The following ATPSCKMT variants were observed in gnomAD, a reference collection of about 807,000 sequenced individuals.
The protein encoded by ATPSCKMT is ATP synthase subunit C lysine N-methyltransferase.
Under a neutral mutation model 24.3 loss-of-function variants are expected in ATPSCKMT, and 24 were observed. The observed-to-expected ratio is 0.99, with a 90% CI of 0.71 to 1.39. The LOEUF (loss-of-function observed/expected upper bound fraction) is 1.39, where lower values mean the gene tolerates loss of function less well. Among genes scored for constraint, ATPSCKMT ranks in the 40% most tolerant of loss-of-function variants. ATPSCKMT has a pLI of 0.00. For synonymous variants in ATPSCKMT, 95 were observed against 110.5 expected, an observed-to-expected ratio of 0.86 and a Z score of 0.88; for missense variants, 311 against 298.4, an observed-to-expected ratio of 1.04 and a Z score of -0.31.
intron 1 of ATPSCKMT, among the ~76,000 whole-genome samples, chr5:10,247,758 C>G (rs1184538808): frequency 6.6e-6 from 1 of 152,208 alleles, no homozygotes; most frequent in East Asian, 1.9e-4. Flanking sequence ...CAAGAACTTT[C>G]TTTCAGGTGT....
intron 1 of ATPSCKMT, 45 bp from the exon 2 acceptor site, chr5:10,239,401 G>A: frequency 6.6e-7 from 1 of 1,517,894 alleles, no homozygotes; most frequent in Non-Finnish European, 8.9e-7. Context: ...CACCAAATCT[G>A]AAATCCAAGA....
intron 2 of ATPSCKMT, 51 bp from the exon 3 acceptor site, chr5:10,236,666 C>A: frequency 6.3e-7 from 1 of 1,596,600 alleles, no homozygotes. Context: ...AATGAACATA[C>A]ATGGTCAAAC....
chr5:10,235,191 G>C lies in ATPSCKMT; in HGVS notation c.495+20C>G, dbSNP rs373147219. ...AACATCATCTAACCCCAAACAGAGA[G>C]CAGGAAAGTGCATACTCACCATCTG... is the stretch of plus-strand genomic sequence containing the variant. On this transcript the variant is annotated intron_variant, in intron 4 of 4. Coordinates refer to ENST00000511437, the MANE Select transcript of ATPSCKMT (RefSeq NM_199133.4). 5.0e-6 allele frequency: 8 copies of C among 1,612,826 alleles called. No individual in the cohort carries two copies. The highest frequency in any genetic ancestry group is 6.8e-6 in the Non-Finnish European group (8 of 1,179,086).
chr5:10,239,081 CACT>C lies in ATPSCKMT; in HGVS notation c.289_291del (p.Ser97del). The C allele has an allele frequency of 6.2e-7, 1 of 1,613,944 alleles. No homozygotes were observed. The highest frequency in any genetic ancestry group is 8.5e-7 in the Non-Finnish European group (1 of 1,179,852). On this transcript the variant is annotated inframe_deletion, in exon 2 of 5. Transcript: ENST00000511437. ...GCAGAACTCACAATGCGTCCGTCCC[CACT>C]ACCGATGTCCACAAGGGATCCTCTT...
chr5:10,237,031 T>C, intron 2 of ATPSCKMT: 1 of 1,292,884 alleles, frequency 7.7e-7, no homozygotes, highest in Non-Finnish European at 1.0e-6. Flanking sequence ...TAATATGCAA[T>C]AAAAATAACC....
chr5:10,244,729 T>C (rs982388596), intron 1 of ATPSCKMT, among the ~76,000 whole-genome samples: 1 of 151,882 alleles, frequency 6.6e-6, no homozygotes, highest in Non-Finnish European at 1.5e-5. Flanking sequence ...CTGGGCAACA[T>C]AGCAAGACCC....
In ATPSCKMT at chr5:10,226,877, A is replaced by G. The variant is rs1170573706; in HGVS notation, c.*564T>C. The stretch of plus-strand genomic sequence containing the variant: ...ACGTCAGGCTTACATTTACACATAC[A>G]TGTATACAAATGTACACATATACAG... On this transcript the variant is annotated 3_prime_UTR_variant, in exon 5 of 5. Coordinates refer to ENST00000511437, the MANE Select transcript of ATPSCKMT (RefSeq NM_199133.4). 2 of 153,940 alleles carry G rather than the reference A, an allele frequency of 1.3e-5. No homozygotes were observed. Among genetic ancestry groups the G allele is most frequent in the East Asian group, 3.8e-4 (2 of 5,214 alleles). The allele number at this position is 153,940 out of a possible 1,614,324, so 9.5% of individuals were successfully genotyped here.
chr5:10,229,534 A>G lies in ATPSCKMT; in HGVS notation c.496-1887T>C, dbSNP rs374057597. Reference sequence around the variant, plus strand: ...TGCAGTTGCTATTTTTGCTTTTATAATGAGTAGTTTGTGGGGAGATGCTTT... The same window carrying G: ...TGCAGTTGCTATTTTTGCTTTTATAGTGAGTAGTTTGTGGGGAGATGCTTT... On this transcript the variant is annotated intron_variant, in intron 4 of 4. Transcript: ENST00000511437. Among the ~76,000 whole-genome samples, 8 of 152,292 alleles carry G rather than the reference A, an allele frequency of 5.3e-5. No homozygotes were observed. In the South Asian group the frequency reaches 8.3e-4, roughly 16 times the overall value.
chr5:10,248,871 T>C (rs1379235801), intron 1 of ATPSCKMT, among the ~76,000 whole-genome samples: 1 of 152,044 alleles, frequency 6.6e-6, no homozygotes, highest in African/African-American at 2.4e-5. Flanking sequence ...TCTAAACCTA[T>C]CAAATATTAA....
intron 1 of ATPSCKMT, among the ~76,000 whole-genome samples, 153 bp from the exon 2 acceptor site, chr5:10,239,509 C>A (rs1320249453): frequency 2.0e-5 from 3 of 152,150 alleles, no homozygotes; most frequent in Non-Finnish European, 4.4e-5. Flanking sequence ...TAGGATCCCA[C>A]AATTAGTTCT....
rs1744503336 is a variant in ATPSCKMT at position 10,239,082 on chromosome 5, A to G, written c.291T>C (p.Ser97=). The change falls in exon 2 of 5, where the codon AGT becomes AGC. Residue 97 remains serine, a synonymous_variant. Coordinates refer to ENST00000511437, the MANE Select transcript of ATPSCKMT (RefSeq NM_199133.4). ...CAGAACTCACAATGCGTCCGTCCCC[A>G]CTACCGATGTCCACAAGGGATCCTC... ...CRRGSLVDIG[S]GDGRIVIAAA... 8 of 1,613,994 alleles carry G rather than the reference A, an allele frequency of 5.0e-6. No individual in the cohort carries two copies. The African/African-American group carries it at 8.0e-5, about 16-fold the overall frequency.
chr5:10,235,061 G>A (rs1460978687), intron 4 of ATPSCKMT, 150 bp downstream of exon 4: 2 of 658,174 alleles, frequency 3.0e-6, no homozygotes, highest in Non-Finnish European at 5.3e-6. Context: ...AGACTCTGAA[G>A]TATTTTATTA....
intron 4 of ATPSCKMT, among the ~76,000 whole-genome samples, chr5:10,232,532 C>T (rs1377039065): frequency 2.6e-5 from 4 of 152,360 alleles, no homozygotes; most frequent in African/African-American, 7.2e-5. Context: ...GAGAGTAAAG[C>T]GGGCCGCTGG....
chr5:10,242,647 C>T (rs527505301), intron 1 of ATPSCKMT, among the ~76,000 whole-genome samples: 3 of 152,324 alleles, frequency 2.0e-5, no homozygotes, highest in Non-Finnish European at 4.4e-5. Flanking sequence ...TGAATCCTTT[C>T]CTGAAGGTTT....
Position 10,239,237 on chromosome 5 carries a change from C to T in ATPSCKMT, c.136G>A (p.Gly46Ser). Reference sequence around the variant, plus strand: ...ACAGCGTACACAGCCACCAGGGTGCCACCCACAAGCCCAGTAAGTAAGAAC... The same window carrying T: ...ACAGCGTACACAGCCACCAGGGTGCTACCCACAAGCCCAGTAAGTAAGAAC... ...WGFLLTGLVG[G>S]TLVAVYAVAT... The change falls in exon 2 of 5, where the codon GGC becomes AGC. Residue 46 changes from glycine (G) to serine (S), a missense_variant. Transcript: ENST00000511437. The T allele has an allele frequency of 2.5e-6, 4 of 1,614,206 alleles. No homozygotes were observed. Among genetic ancestry groups the T allele is most frequent in the Non-Finnish European group, 3.4e-6 (4 of 1,180,044 alleles).
At chr5:10,248,969 T>C (rs192461248) in intron 1 of ATPSCKMT, among the ~76,000 whole-genome samples, 2 of 152,206 alleles carry the variant, frequency 1.3e-5, no homozygotes, top group East Asian at 1.9e-4. Context: ...GGCAGCATAA[T>C]ACAGGGCTTA....
chr5:10,237,594 T>C (rs367694372), intron 2 of ATPSCKMT, among the ~76,000 whole-genome samples: 4 of 152,116 alleles, frequency 2.6e-5, no homozygotes, highest in Non-Finnish European at 5.9e-5. Context: ...CCACCATCAA[T>C]GTAAGACATG....
At chr5:10,237,994 C>T (rs1744451492) in intron 2 of ATPSCKMT, among the ~76,000 whole-genome samples, 1 of 152,222 alleles carries the variant, frequency 6.6e-6, no homozygotes, top group African/African-American at 2.4e-5. Flanking sequence ...ATCTGCCCAC[C>T]TCAGCCTCCC....
At chr5:10,232,971 T>C (rs1046527281) in intron 4 of ATPSCKMT, among the ~76,000 whole-genome samples, 1 of 152,244 alleles carries the variant, frequency 6.6e-6, no homozygotes, top group African/African-American at 2.4e-5. Flanking sequence ...CAGATCCAGA[T>C]GGGATTCCTG....
Sources: allele counts gnomAD v4.1 joint callset (sites outside exome capture counted in the v4.1 genomes callset), GRCh38; gene constraint gnomAD v4.1.1; transcripts MANE v1.5; gene names NCBI Gene and HGNC (gene_info 2026-07-23, HGNC 2026-07-21).